Variants in CELSR1 observed in about 807,000 individuals in gnomAD.
CELSR1 encodes the protein adhesion G protein-coupled receptor C1.
CELSR1 carries 110 observed loss-of-function variants against 249.1 expected under a neutral mutation model. That is an observed-to-expected ratio of 0.44 (90% CI 0.38 to 0.52). CELSR1 has a LOEUF of 0.52. Ranked by LOEUF, CELSR1 falls within the 20% of genes least tolerant of loss-of-function variation. CELSR1 has a pLI of 0.00. For missense variants in CELSR1, 4,109 were observed against 4,296.4 expected, an observed-to-expected ratio of 0.96 and a Z score of 1.22; for synonymous variants, 2,113 against 1,900.0, an observed-to-expected ratio of 1.11 and a Z score of -2.92.
At chr22:46,483,258 A>G (rs1046609219) in intron 1 of CELSR1, among the ~76,000 whole-genome samples, 3 of 152,208 alleles carry the variant, frequency 2.0e-5, no homozygotes, top group African/African-American at 7.2e-5. Context: ...AAAGAACCTT[A>G]TTAATAAATT....
In CELSR1 at chr22:46,436,205, C is replaced by G. The variant is rs746285029; in HGVS notation, c.4491G>C (p.Val1497=). Residue 1497 remains valine (V), a synonymous_variant, in exon 4 of 35, where the codon GTG becomes GTC. Coordinates refer to ENST00000674500, the MANE Select transcript of CELSR1 (RefSeq NM_001378328.1). The surrounding 1 kb of genome is among the most constrained non-coding windows in gnomAD (Gnocchi z 5.9). The stretch of plus-strand genomic sequence containing the variant: ...AGAAGGTGAGCTGCACCTGCTCGTC[C>G]ACGATCTCCAGGGCGATGAAGTCGT... The part of the protein sequence containing the change: ...EKHDFIALEI[V]DEQVQLTFSA... The G allele has an allele frequency of 1.9e-6, 3 of 1,612,766 alleles. No individual in the cohort carries two copies. The African/African-American group carries it at 4.0e-5, about 22-fold the overall frequency.
At chr22:46,378,547 G>C (rs2078943315) in intron 23 of CELSR1, 44 bp downstream of exon 23, 1 of 1,529,790 alleles carries the variant, frequency 6.5e-7, no homozygotes, top group Admixed American at 2.0e-5. Flanking sequence ...GGGCAGGTTT[G>C]GCGGTAGGCC....
rs560744351 is a variant in CELSR1 at position 46,456,205 on chromosome 22, G to T, written c.4183+7502C>A. On this transcript the variant is annotated intron_variant, in intron 2 of 34. Transcript: ENST00000674500. ...ATCCTGGAAGCCACAGCGAGCACTG[G>T]CCCACGTGCAACCCTGCGCTAAGCA... is the stretch of plus-strand genomic sequence containing the variant. Among the ~76,000 whole-genome samples the T allele has an allele frequency of 3.0e-4, 45 of 152,372 alleles. 3 individuals carry two copies. In the South Asian group the frequency reaches 8.7e-3, roughly 29 times the overall value.
chr22:46,390,590 G>C lies in CELSR1; in HGVS notation c.6251-104C>G. ...AATATACTTAAACCCAGAACACTGC[G>C]TGGTGGTTAGAACCCCATGGGGGCC... On this transcript the variant is annotated intron_variant, in intron 16 of 34. Coordinates refer to ENST00000674500, the MANE Select transcript of CELSR1 (RefSeq NM_001378328.1). This position sits in a 1 kb window ranked among gnomAD's most constrained non-coding sequence, Gnocchi z 6.3. 1.1e-6 allele frequency: 1 copy of C among 944,238 alleles called. No individual in the cohort carries two copies. Among genetic ancestry groups the C allele is most frequent in the Admixed American group, 2.2e-5 (1 of 45,792 alleles). 58.5% of individuals were successfully genotyped at this position (944,238 alleles called of 1,614,324 possible).
Position 46,537,020 on chromosome 22 carries a change from C to A in CELSR1, c.151G>T (p.Ala51Ser). 1 of 1,107,972 alleles carries A rather than the reference C, an allele frequency of 9.0e-7. No individual in the cohort carries two copies. The highest frequency in any genetic ancestry group is 1.1e-6 in the Non-Finnish European group (1 of 909,970). The allele number at this position is 1,107,972 out of a possible 1,614,324, so 68.6% of individuals were successfully genotyped here. A position where few individuals can be genotyped will look rare whatever the true frequency, so the allele number is the denominator to read the frequency against. The change falls in exon 1 of 35, where the codon GCG becomes TCG. Residue 51 changes from alanine (A) to serine (S), a missense_variant. By Grantham distance (99) the Ala-to-Ser change is moderately conservative. Transcript: ENST00000674500. The surrounding 1 kb of genome is among the most constrained non-coding windows in gnomAD (Gnocchi z 5.8). ...AFALRPGCTY[A>S]VGAACTPRAP... ...CGGGGCGTGCAAGCGGCGCCCACCG[C>A]GTAGGTACAGCCGGGCCGGAGGGCG...
intron 1 of CELSR1, among the ~76,000 whole-genome samples, chr22:46,501,739 C>A (rs969787975): frequency 6.6e-6 from 1 of 152,182 alleles, no homozygotes; most frequent in African/African-American, 2.4e-5. Flanking sequence ...ACACTGACAT[C>A]TCAGATGAGC....
chr22:46,433,338 G>A lies in CELSR1; in HGVS notation c.4611+55C>T. ...GCGTGAGCCACTGCGCCTCGCCCCA[G>A]GGCACCTTCTCGAGCCGCCCTGGGG... is the stretch of plus-strand genomic sequence containing the variant. On this transcript the variant is annotated intron_variant, in intron 5 of 34. Transcript: ENST00000674500. This position sits in a 1 kb window ranked among gnomAD's most constrained non-coding sequence, Gnocchi z 5.7. 1.4e-6 allele frequency: 2 copies of A among 1,415,908 alleles called. No homozygotes were observed. Among genetic ancestry groups the A allele is most frequent in the Non-Finnish European group, 9.9e-7 (1 of 1,014,224 alleles). The allele number at this position is 1,415,908 out of a possible 1,614,324, so 87.7% of individuals were successfully genotyped here. A position where few individuals can be genotyped will look rare whatever the true frequency, so the allele number is the denominator to read the frequency against.
chr22:46,482,269 TAAA>T, intron 1 of CELSR1, among the ~76,000 whole-genome samples: 1 of 152,164 alleles, frequency 6.6e-6, no homozygotes, highest in East Asian at 1.9e-4. Context: ...ACAGGATCCT[TAAA>T]AGCAGAGGAG....
rs2079567518 is a variant in CELSR1 at position 46,429,194 on chromosome 22, C to T, written c.4611+4199G>A. Among the ~76,000 whole-genome samples the T allele has an allele frequency of 6.6e-6, 1 of 152,186 alleles. No individual in the cohort carries two copies. Among genetic ancestry groups the T allele is most frequent in the Admixed American group, 6.5e-5 (1 of 15,290 alleles). On this transcript the variant is annotated intron_variant, in intron 5 of 34. Transcript: ENST00000674500. This position sits in a 1 kb window ranked among gnomAD's most constrained non-coding sequence, Gnocchi z 4.1. ...AGCTTCTCCCCACACTTCCCAAACA[C>T]CCAGGATGCCGAGGGCGATGGAGGA...
Position 46,361,449 on chromosome 22 carries a change from C to G in CELSR1, c.*1774G>C, listed in dbSNP as rs1352191802. 1.3e-5 allele frequency: 2 copies of G among 152,348 alleles called. No individual in the cohort carries two copies. The highest frequency in any genetic ancestry group is 2.9e-5 in the Non-Finnish European group (2 of 68,030). The allele number at this position is 152,348 out of a possible 1,614,324, so 9.4% of individuals were successfully genotyped here. A position where few individuals can be genotyped will look rare whatever the true frequency, so the allele number is the denominator to read the frequency against. On this transcript the variant is annotated 3_prime_UTR_variant, in exon 35 of 35. Coordinates refer to ENST00000674500, the MANE Select transcript of CELSR1 (RefSeq NM_001378328.1). The stretch of plus-strand genomic sequence containing the variant: ...AACAAAAAAATTACACCTCAGGGGG[C>G]AGAATCCTGTTAAAGTCATGAAAGG...
In CELSR1 at chr22:46,391,878, C is replaced by T. The variant is rs1202591709; in HGVS notation, c.5965-62G>A. 3.3e-5 allele frequency: 50 copies of T among 1,527,728 alleles called. No homozygotes were observed. The highest frequency in any genetic ancestry group is 7.0e-5 in the East Asian group (3 of 42,820). 94.6% of individuals were successfully genotyped at this position (1,527,728 alleles called of 1,614,324 possible). A position where few individuals can be genotyped will look rare whatever the true frequency, so the allele number is the denominator to read the frequency against. ...GCCCGGGAGAGGCCCTACCTTGCAG[C>T]GTGTTTCCCGAGCGACGTCCAGACT... On this transcript the variant is annotated intron_variant, in intron 14 of 34. Coordinates refer to ENST00000674500, the MANE Select transcript of CELSR1 (RefSeq NM_001378328.1). The surrounding 1 kb of genome is among the most constrained non-coding windows in gnomAD (Gnocchi z 4.3).
At chr22:46,421,708 G>A (rs994660604) in intron 5 of CELSR1, among the ~76,000 whole-genome samples, 1 of 152,264 alleles carries the variant, frequency 6.6e-6, no homozygotes, top group African/African-American at 2.4e-5. Flanking sequence ...CAAGGAGGCA[G>A]GAACATCCTG....
rs1331997714 is a variant in CELSR1, at chr22:46,362,693, CATACAA to C, written c.*524_*529del. Reference sequence around the variant, plus strand: ...TACAGGTTGCACCTCCTCAGAGTCCCATACAAATATATAAAAGTATCTCCACCTTTC... The same window carrying C: ...TACAGGTTGCACCTCCTCAGAGTCCCATATATAAAAGTATCTCCACCTTTC... On this transcript the variant is annotated 3_prime_UTR_variant, in exon 35 of 35. Transcript: ENST00000674500. The C allele has an allele frequency of 8.4e-5, 14 of 166,374 alleles. No homozygotes were observed. The East Asian group carries it at 2.1e-3, about 25-fold the overall frequency. The allele number at this position is 166,374 out of a possible 1,614,324, so 10.3% of individuals were successfully genotyped here.
Position 46,409,135 on chromosome 22 carries a change from C to T in CELSR1, c.5087G>A (p.Gly1696Asp), listed in dbSNP as rs773693439. The change falls in exon 9 of 35, where the codon GGT (glycine) becomes GAT (aspartate). Residue 1696 changes from glycine to aspartate, a missense_variant. Transcript: ENST00000674500. The surrounding 1 kb of genome is among the most constrained non-coding windows in gnomAD (Gnocchi z 9.8). ...QAMPHPQLFS[G>D]ESVVSWSDLN... Reference sequence around the variant, plus strand: ...GTCACTCCAGGACACGACGCTCTCACCGCTGAAGAGCTGGGGGTGAGGCAT... The same window carrying T: ...GTCACTCCAGGACACGACGCTCTCATCGCTGAAGAGCTGGGGGTGAGGCAT... 1.2e-6 allele frequency: 2 copies of T among 1,613,418 alleles called. No individual in the cohort carries two copies. The highest frequency in any genetic ancestry group is 1.7e-6 in the Non-Finnish European group (2 of 1,179,770).
chr22:46,364,404 A>G (rs2078742815), intron 33 of CELSR1, 108 bp downstream of exon 33: 1 of 1,491,522 alleles, frequency 6.7e-7, no homozygotes, highest in South Asian at 1.3e-5. Flanking sequence ...TGTTCTGCCC[A>G]GGCCCTGACT....
intron 2 of CELSR1, chr22:46,462,809 AT>A: frequency 2.6e-6 from 1 of 384,740 alleles, no homozygotes; most frequent in South Asian, 2.0e-5. Flanking sequence ...GTGGCTCTTT[AT>A]TTTTAAAAAC....
At chr22:46,478,958 G>A (rs1361261196) in intron 1 of CELSR1, among the ~76,000 whole-genome samples, 1 of 151,894 alleles carries the variant, frequency 6.6e-6, no homozygotes, top group East Asian at 2.0e-4. Context: ...GCAGGCCCAG[G>A]GAGTCAGGAA....
chr22:46,381,147 CAG>C lies in CELSR1; in HGVS notation c.7089-194_7089-193del, dbSNP rs986398618. ...CAGGTTTTATCACTGACAGGGCACA[CAG>C]AGAGAGGTGTCACCTTTGGGTCAAA... On this transcript the variant is annotated intron_variant, in intron 21 of 34. Transcript: ENST00000674500. The surrounding 1 kb of genome is among the most constrained non-coding windows in gnomAD (Gnocchi z 6.0). Among the ~76,000 whole-genome samples the C allele has an allele frequency of 6.6e-6, 1 of 152,126 alleles. No individual in the cohort carries two copies. The highest frequency in any genetic ancestry group is 1.9e-4 in the East Asian group (1 of 5,198).
chr22:46,415,944 A>G (rs1191386163), intron 5 of CELSR1, among the ~76,000 whole-genome samples: 1 of 152,250 alleles, frequency 6.6e-6, no homozygotes, highest in East Asian at 1.9e-4. Context: ...GTCTCCGCTG[A>G]AAGGCCGGCG....
Sources: allele counts gnomAD v4.1 joint callset (sites outside exome capture counted in the v4.1 genomes callset), GRCh38; gene constraint gnomAD v4.1.1; non-coding constraint Gnocchi (gnomAD v3.1); transcripts MANE v1.5; gene names NCBI Gene and HGNC (gene_info 2026-07-23, HGNC 2026-07-21).